Variants in CASTOR2 observed in about 807,000 individuals in gnomAD.
The protein encoded by CASTOR2 is cytosolic arginine sensor for mTORC1 subunit 2, also known as GATS protein like 2.
In CASTOR2, 8 loss-of-function variants were observed where a neutral mutation model predicts 31.2. The observed-to-expected ratio is 0.26, with a 90% CI of 0.15 to 0.46. The LOEUF is 0.46. Among genes scored for constraint, CASTOR2 ranks in the 20% least tolerant of loss-of-function variants. The probability of loss-of-function intolerance (pLI) is 0.99; values close to 1 mark genes in which losing one functional copy is unlikely to be tolerated. For missense variants in CASTOR2, 216 were observed against 382.1 expected, an observed-to-expected ratio of 0.57 and a Z score of 3.62; for synonymous variants, 162 against 158.7, an observed-to-expected ratio of 1.02 and a Z score of -0.16.
rs1483035189 is a variant in CASTOR2, at chr7:75,007,374, G to A, written c.114-620G>A. Among the ~76,000 whole-genome samples the A allele has an allele frequency of 5.9e-3, 892 of 152,244 alleles. 3 individuals carry two copies. Among genetic ancestry groups the A allele is most frequent in the Middle Eastern group, 0.024 (7 of 294 alleles). ...ATGGTTTTGTTTTGCGGGTAGATGAGCAACATACCTCCCAGGCTGAGTGGT... is the reference window on the plus strand; with the variant it reads ...ATGGTTTTGTTTTGCGGGTAGATGAACAACATACCTCCCAGGCTGAGTGGT... On this transcript the variant is annotated intron_variant, in intron 1 of 8. Transcript: ENST00000616305.
At chr7:74,973,333 C>CTTTTTTT (rs1200356756) in intron 1 of CASTOR2, among the ~76,000 whole-genome samples, 10 of 80,334 alleles carry the variant, frequency 1.2e-4, no homozygotes, top group Non-Finnish European at 2.2e-4. Flanking sequence ...CTCCAGTAAG[C>CTTTTTTT]TTTTTTTTTT....
chr7:74,975,688 T>G, intron 1 of CASTOR2, among the ~76,000 whole-genome samples: 1 of 119,672 alleles, frequency 8.4e-6, no homozygotes, highest in East Asian at 2.5e-4. Flanking sequence ...CCAGACTCCA[T>G]GTCAAAAAAA....
In CASTOR2 at chr7:75,022,058, G is replaced by A. The variant is rs1203125766; in HGVS notation, c.829+102G>A. On this transcript the variant is annotated intron_variant, in intron 7 of 8. Transcript: ENST00000616305. ...GACTCGGCCCCTGCTGGGGGGTACA[G>A]ATGGGGAGACTGAGGCTTGGGGAGC... 14 of 1,387,774 alleles carry A rather than the reference G, an allele frequency of 1.0e-5. No individual in the cohort carries two copies. In the African/African-American group the frequency reaches 2.0e-4, roughly 20 times the overall value. 86.0% of individuals were successfully genotyped at this position (1,387,774 alleles called of 1,614,324 possible).
At chr7:75,000,727 G>A (rs1458272879) in intron 1 of CASTOR2, among the ~76,000 whole-genome samples, 6 of 152,090 alleles carry the variant, frequency 3.9e-5, no homozygotes, top group South Asian at 2.1e-4. Flanking sequence ...GCACAATCTC[G>A]ACTCAACTGC....
rs889469525 is a variant in CASTOR2 at position 75,029,466 on chromosome 7, C to T, written c.*4767C>T. Among the ~76,000 whole-genome samples the T allele has an allele frequency of 6.6e-6, 1 of 151,612 alleles. No homozygotes were observed. The highest frequency in any genetic ancestry group is 1.5e-5 in the Non-Finnish European group (1 of 67,940). On this transcript the variant is annotated 3_prime_UTR_variant, in exon 9 of 9. Coordinates refer to ENST00000616305, the MANE Select transcript of CASTOR2 (RefSeq NM_001145064.3). ...TCAAGTGATTCTCCTGCCTCAGCCT[C>T]CCAAGTAGCTGGGATTACAGGCACC...
At position 75,030,611 on chromosome 7, in the gene CASTOR2, A is replaced by G. The variant is rs1390614837; in HGVS notation, c.*5912A>G. ...GGCCTGGCTGTAGGCAGGAGGCCTC[A>G]GTCCTTCCCCAGGTGGGCCAACCCA... On this transcript the variant is annotated 3_prime_UTR_variant, in exon 9 of 9. Transcript: ENST00000616305. Among the ~76,000 whole-genome samples the G allele has an allele frequency of 3.3e-5, 5 of 152,296 alleles. No homozygotes were observed. The highest frequency in any genetic ancestry group is 7.4e-5 in the Non-Finnish European group (5 of 68,024).
chr7:75,022,778 A>C (rs1015625476), intron 7 of CASTOR2, among the ~76,000 whole-genome samples: 1 of 152,042 alleles, frequency 6.6e-6, no homozygotes, highest in Non-Finnish European at 1.5e-5. Context: ...CTGCCTGGGC[A>C]ACAGAGCAAG....
intron 2 of CASTOR2, among the ~76,000 whole-genome samples, chr7:75,015,478 A>G (rs1252245523): frequency 1.3e-5 from 2 of 151,812 alleles, no homozygotes; most frequent in Non-Finnish European, 2.9e-5. Context: ...GGGTCTCGCT[A>G]CGTTCTCCAG....
chr7:74,984,252 C>T lies in CASTOR2; in HGVS notation c.113+19154C>T, dbSNP rs1242090967. ...TGATAGAAGCAACTGACCCCCTTAG[C>T]TAAGGCAGGCAGGCAGGTATTGTCA... is the stretch of plus-strand genomic sequence containing the variant. On this transcript the variant is annotated intron_variant, in intron 1 of 8. Transcript: ENST00000616305. Among the ~76,000 whole-genome samples the T allele has an allele frequency of 4.7e-5, 7 of 150,246 alleles. No homozygotes were observed. The East Asian group carries it at 1.4e-3, about 29-fold the overall frequency.
At chr7:74,975,230 C>T (rs1230525230) in intron 1 of CASTOR2, among the ~76,000 whole-genome samples, 6 of 151,094 alleles carry the variant, frequency 4.0e-5, no homozygotes, top group Admixed American at 2.6e-4. Flanking sequence ...GGCCTCCCAA[C>T]GTGCTGGGAT....
chr7:75,020,463 T>G (rs1432276457), intron 6 of CASTOR2, among the ~76,000 whole-genome samples: 1 of 148,888 alleles, frequency 6.7e-6, no homozygotes, highest in Non-Finnish European at 1.5e-5. Flanking sequence ...GCTCCTGACC[T>G]CAGGCAATCC....
chr7:74,996,006 G>T (rs1243245821), intron 1 of CASTOR2, among the ~76,000 whole-genome samples: 1 of 152,012 alleles, frequency 6.6e-6, no homozygotes, highest in Non-Finnish European at 1.5e-5. Flanking sequence ...AATGATCAGA[G>T]ACTTTCTGAG....
intron 6 of CASTOR2, 30 bp from the exon 7 acceptor site, chr7:75,021,843 CT>C: frequency 1.3e-6 from 2 of 1,551,424 alleles, no homozygotes; most frequent in Non-Finnish European, 1.7e-6. Context: ...TCACATCAGC[CT>C]CGGGGATTCT....
In CASTOR2 at chr7:75,026,503, T is replaced by G. The variant is rs1440781109; in HGVS notation, c.*1804T>G. Among the ~76,000 whole-genome samples the G allele has an allele frequency of 6.6e-6, 1 of 152,172 alleles. No homozygotes were observed. The highest frequency in any genetic ancestry group is 2.4e-5 in the African/African-American group (1 of 41,448). ...CCACACCCAGCCGAGTTGTGCTGTT[T>G]CTGTGGTCAGAGGAGAAGGGATATT... On this transcript the variant is annotated 3_prime_UTR_variant, in exon 9 of 9. Transcript: ENST00000616305.
In CASTOR2 at chr7:75,031,032, T is replaced by G. The variant is rs1275155454; in HGVS notation, c.*6333T>G. On this transcript the variant is annotated 3_prime_UTR_variant, in exon 9 of 9. Transcript: ENST00000616305. The stretch of plus-strand genomic sequence containing the variant: ...CAGGCCAAGGCCAGTGCGGTTTCCC[T>G]TCCACTGCCTCAGTTTACCTGTATT... 1.8e-4 allele frequency among the ~76,000 whole-genome samples: 27 copies of G among 152,350 alleles called. No individual in the cohort carries two copies. Among genetic ancestry groups the G allele is most frequent in the Admixed American group, 5.9e-4 (9 of 15,296 alleles).
intron 1 of CASTOR2, among the ~76,000 whole-genome samples, chr7:75,004,869 T>C (rs1232923135): frequency 2.6e-5 from 4 of 152,134 alleles, no homozygotes; most frequent in Middle Eastern, 3.4e-3. Flanking sequence ...CTTGTGAGGT[T>C]TTTTTGTTTT....
intron 2 of CASTOR2, among the ~76,000 whole-genome samples, chr7:75,012,775 A>T (rs1192916113): frequency 6.6e-6 from 1 of 151,498 alleles, no homozygotes; most frequent in East Asian, 1.9e-4. Context: ...AGTAGTTGAG[A>T]CTACAGGCAT....
chr7:74,994,878 A>G (rs1804303358), intron 1 of CASTOR2, among the ~76,000 whole-genome samples: 1 of 152,106 alleles, frequency 6.6e-6, no homozygotes, highest in Admixed American at 6.6e-5. Flanking sequence ...ACAGGGTGTA[A>G]TAGGAGATGA....
chr7:75,018,911 C>A, intron 4 of CASTOR2, 61 bp from the exon 5 acceptor site: 10 of 1,551,552 alleles, frequency 6.4e-6, no homozygotes, highest in Non-Finnish European at 8.7e-6. Flanking sequence ...AGGCCCTGCA[C>A]CCACCAGAGC....
Sources: gnomAD v4.1 joint callset for allele counts (sites outside exome capture counted in the v4.1 genomes callset) on GRCh38, gnomAD v4.1.1 for gene constraint, MANE v1.5 for transcripts, NCBI Gene and HGNC (gene_info 2026-07-23, HGNC 2026-07-21) for gene names.